The following TAF1 variants were observed in gnomAD, a reference collection of about 807,000 sequenced individuals.
TAF1 encodes the protein TATA-box binding protein associated factor 1, also known as transcription initiation factor TFIID subunit 1.
In TAF1, 2 loss-of-function variants were observed where a neutral mutation model predicts 138.5. That is an observed-to-expected ratio of 0.01 (90% CI 0.01 to 0.05). The LOEUF (loss-of-function observed/expected upper bound fraction) is 0.05, where lower values mean the gene tolerates loss of function less well. Ranked by LOEUF, TAF1 falls within the 10% of genes least tolerant of loss-of-function variation. The pLI is 1.00. For missense variants in TAF1, 709 were observed against 1,478.0 expected (o/e 0.48, Z 8.53); for synonymous variants, 437 against 503.2 (o/e 0.87, Z 1.76).
chrX:71,492,512 C>A (rs2039310123), intron 13 of TAF1: 4 of 122,976 alleles, frequency 3.3e-5, no homozygotes, highest in South Asian at 2.7e-4. Context: ...CCGACCTTGC[C>A]GCCGTCGCGC....
intron 21 of TAF1, 130 bp from the exon 22 acceptor site, chrX:71,393,937 T>C: frequency 7.3e-6 from 5 of 681,564 alleles, no homozygotes; most frequent in Non-Finnish European, 1.0e-5. Flanking sequence ...TTGTAAAGCT[T>C]TTCTGTTAAG....
At chrX:71,468,425 C>T (rs1317330615), downstream of TAF1, among the ~76,000 whole-genome samples, 3 of 110,453 alleles carry the variant, frequency 2.7e-5, no homozygotes, top group East Asian at 2.8e-4. Flanking sequence ...CTGTGGCTCA[C>T]GCCTGTAATC....
At chrX:71,380,727 G>A (rs1164414779) in intron 8 of TAF1, among the ~76,000 whole-genome samples, 1 of 112,137 alleles carries the variant, frequency 8.9e-6, no homozygotes, top group Non-Finnish European at 1.9e-5. Flanking sequence ...AAGAGTCTCT[G>A]TCGCCCAGGG....
chrX:71,387,442 A>G lies in TAF1; in HGVS notation c.2408A>G (p.His803Arg). Residue 803 changes from histidine (H) to arginine (R), a missense_variant, in exon 15 of 38, where the codon CAT becomes CGT. This residue lies in a region of TAF1 where 201 missense variants were observed against 421.3 expected (regional missense o/e 0.48). Transcript: ENST00000423759. The stretch of plus-strand genomic sequence containing the variant: ...CCTAACTCCAAAAGGGCCAATACGC[A>G]TATTCGAGACTTTCTACAGGTAAGA... ...PGPNSKRANT[H>R]IRDFLQVFIY... The G allele has an allele frequency of 8.3e-7, 1 of 1,211,797 alleles. No individual in the cohort carries two copies. The highest frequency in any genetic ancestry group is 1.7e-5 in the African/African-American group (1 of 57,830).
At chrX:71,512,242 G>A (rs1484016089) in intron 13 of TAF1, among the ~76,000 whole-genome samples, 1 of 111,539 alleles carries the variant, frequency 9.0e-6, no homozygotes, top group Non-Finnish European at 1.9e-5. Flanking sequence ...GTGCACCTGG[G>A]AGGCGGAGCT....
intron 13 of TAF1, among the ~76,000 whole-genome samples, chrX:71,508,066 T>TTCTCTCTCTCTCTCTCTC (rs369650229): frequency 2.4e-5 from 2 of 83,544 alleles, no homozygotes; most frequent in African/African-American, 4.6e-5. Context: ...TATATGAATA[T>TTCTCTCTCTCTCTCTCTC]TCTCTCTCTC....
chrX:71,475,261 A>AC (rs1258515768), intron 13 of TAF1, among the ~76,000 whole-genome samples: 2 of 111,119 alleles, frequency 1.8e-5, no homozygotes, highest in Non-Finnish European at 3.8e-5. Context: ...TTGGGAAAAG[A>AC]CCCAATGTTC....
chrX:71,441,466 G>A (rs2037417426), intron 32 of TAF1, among the ~76,000 whole-genome samples: 1 of 110,438 alleles, frequency 9.1e-6, no homozygotes, highest in Non-Finnish European at 1.9e-5. Flanking sequence ...ATATTCTTGA[G>A]GGCACATAAT....
At chrX:71,386,775 T>C (rs1244944687) in intron 14 of TAF1, among the ~76,000 whole-genome samples, 1 of 113,074 alleles carries the variant, frequency 8.8e-6, no homozygotes, top group Non-Finnish European at 1.9e-5. Flanking sequence ...TTGTTTTGTT[T>C]TTTAATTAGT....
chrX:71,470,381 A>G (rs1443690394), downstream of TAF1, among the ~76,000 whole-genome samples: 1 of 110,148 alleles, frequency 9.1e-6, no homozygotes. Flanking sequence ...TTTTACCACA[A>G]TATTTTCTGT....
intron 15 of TAF1, among the ~76,000 whole-genome samples, 161 bp from the exon 16 acceptor site, chrX:71,388,076 G>A (rs1424773059): frequency 8.9e-6 from 1 of 112,516 alleles, no homozygotes; most frequent in Non-Finnish European, 1.9e-5. Context: ...CTCTACTCTG[G>A]GTGACAGAGC....
rs776321706 is a variant in TAF1 at position 71,456,649 on chromosome X, CTTTTTTTTTTTTTTTTTTTTTTTT to C, written c.4939-1572_4939-1549del. ...ATGGTGGTGGTCAATAATGTATTTT[CTTTTTTTTTTTTTTTTTTTTTTTT>C]TTTTTTTTTTTTTTTTTTTGAGACC... On this transcript the variant is annotated intron_variant, in intron 34 of 37. Coordinates refer to ENST00000423759, the MANE Select transcript of TAF1 (RefSeq NM_004606.5). 9.7e-3 allele frequency among the ~76,000 whole-genome samples: 261 copies of C among 26,820 alleles called. 1 individual carries two copies. Among genetic ancestry groups the C allele is most frequent in the South Asian group, 0.032 (12 of 377 alleles). 23.3% of individuals were successfully genotyped at this position (26,820 alleles called of 115,157 possible). A position where few individuals can be genotyped will look rare whatever the true frequency, so the allele number is the denominator to read the frequency against.
At chrX:71,428,276 A>G (rs948231478) in intron 32 of TAF1, among the ~76,000 whole-genome samples, 15 of 110,681 alleles carry the variant, frequency 1.4e-4, no homozygotes, top group African/African-American at 4.9e-4. Flanking sequence ...GGCCAACTCA[A>G]TTTTTTAGTA....
At chrX:71,506,472 CAGG>C (rs2039629342) in intron 13 of TAF1, among the ~76,000 whole-genome samples, 2 of 107,893 alleles carry the variant, frequency 1.9e-5, no homozygotes, top group African/African-American at 6.8e-5. Flanking sequence ...ATCATGAGGT[CAGG>C]AGATCAAGAT....
chrX:71,411,638 C>T (rs764584479), intron 28 of TAF1, among the ~76,000 whole-genome samples: 3 of 112,656 alleles, frequency 2.7e-5, no homozygotes, highest in Admixed American at 9.4e-5. Context: ...GAAGTACCAG[C>T]TACATCCTAA....
chrX:71,382,743 T>C lies in TAF1; in HGVS notation c.1666-18T>C. 2 of 1,205,431 alleles carry C rather than the reference T, an allele frequency of 1.7e-6. No homozygotes were observed. Among genetic ancestry groups the C allele is most frequent in the Non-Finnish European group, 2.2e-6 (2 of 892,653 alleles). On this transcript the variant is annotated intron_variant, in intron 10 of 37. Coordinates refer to ENST00000423759, the MANE Select transcript of TAF1 (RefSeq NM_004606.5). ...GAAGGATAGTCTGACCGAGATTTGT[T>C]TGATTATCTATCATTAGAACATGTC...
chrX:71,386,610 G>A (rs937846279), intron 14 of TAF1, among the ~76,000 whole-genome samples: 2 of 111,645 alleles, frequency 1.8e-5, no homozygotes, highest in East Asian at 2.8e-4. Flanking sequence ...GACAATAGGC[G>A]CACGCCACCA....
At chrX:71,459,162 C>T (rs778388600) in intron 35 of TAF1, 5 of 1,069,979 alleles carry the variant, frequency 4.7e-6, no homozygotes, top group Non-Finnish European at 6.2e-6. Flanking sequence ...GCGCCAGGGC[C>T]GAGGTAGGCT....
At chrX:71,523,648 T>C (rs1231466042) in intron 13 of TAF1, among the ~76,000 whole-genome samples, 1 of 111,873 alleles carries the variant, frequency 8.9e-6, no homozygotes, top group Non-Finnish European at 1.9e-5. Flanking sequence ...TTTAAAAACA[T>C]TTAGATGAAA....
Sources: allele counts gnomAD v4.1 joint callset (sites outside exome capture counted in the v4.1 genomes callset), GRCh38; gene constraint gnomAD v4.1.1; regional missense constraint gnomAD v4.1.1; transcripts MANE v1.5; gene names NCBI Gene and HGNC (gene_info 2026-07-23, HGNC 2026-07-21).